LPA: variants seen among roughly 807,000 people sequenced by gnomAD.
LPA encodes apolipoprotein(a).
A neutral mutation model predicts 197.9 loss-of-function variants in LPA; 199 were observed. The observed-to-expected ratio is 1.01, with a 90% confidence interval of 0.90 to 1.13. LPA has a LOEUF of 1.13. Among genes scored for constraint, LPA ranks in the 50% most tolerant of loss-of-function variants. LPA has a pLI of 0.00. For synonymous variants in LPA, 715 were observed against 639.5 expected (o/e 1.12, Z -1.78); for missense variants, 1,853 against 1,785.8 (o/e 1.04, Z -0.68).
At position 160,593,956 on chromosome 6, in the gene LPA, A is replaced by T; in HGVS notation, c.3629+2T>A. The T allele has an allele frequency of 6.2e-7, 1 of 1,613,614 alleles. No homozygotes were observed. Among genetic ancestry groups the T allele is most frequent in the Non-Finnish European group, 8.5e-7 (1 of 1,179,742 alleles). On this transcript the variant is annotated splice_donor_variant, in intron 22 of 38. Transcript: ENST00000316300. LOFTEE classifies it high-confidence loss of function. ...GTCTTTGAAGAAAACTCAAGGTTGT[A>T]CCCATTTGGATAATATTCTGTTGTC...
At chr6:160,610,487 A>T (rs564924700) in intron 16 of LPA, among the ~76,000 whole-genome samples, 1 of 152,050 alleles carries the variant, frequency 6.6e-6, no homozygotes. Flanking sequence ...GTGCTATGTG[A>T]TCTCTATCTT....
intron 21 of LPA, 46 bp downstream of exon 21, chr6:160,595,308 C>A: frequency 1.2e-6 from 2 of 1,606,722 alleles, no homozygotes; most frequent in Non-Finnish European, 1.7e-6. Flanking sequence ...CAACTCTTTT[C>A]ATCCCAACGT....
intron 33 of LPA, among the ~76,000 whole-genome samples, chr6:160,543,199 GACTA>G (rs1367128065): frequency 6.6e-6 from 1 of 152,152 alleles, no homozygotes; most frequent in African/African-American, 2.4e-5. Context: ...AGCCTCCCAT[GACTA>G]ACTGACTGCT....
chr6:160,646,456 A>G (rs1252713589), intron 2 of LPA, 61 bp from the exon 3 acceptor site: 2 of 8,418 alleles, frequency 2.4e-4, no homozygotes, highest in African/African-American at 3.2e-3. Context: ...GGCACCCCAC[A>G]CTCTCTCCTT....
intron 26 of LPA, among the ~76,000 whole-genome samples, chr6:160,579,834 G>T: frequency 6.6e-6 from 1 of 152,324 alleles, no homozygotes; most frequent in East Asian, 1.9e-4. Flanking sequence ...ACAACTGGAC[G>T]TATCAAGTGA....
chr6:160,585,578 G>A (rs749108561), intron 25 of LPA, among the ~76,000 whole-genome samples: 5 of 152,090 alleles, frequency 3.3e-5, no homozygotes, highest in African/African-American at 1.2e-4. Context: ...GCTATAGGTG[G>A]TGATTGGCTG....
chr6:160,581,513 G>T, intron 26 of LPA, among the ~76,000 whole-genome samples: 1 of 152,006 alleles, frequency 6.6e-6, no homozygotes, highest in Non-Finnish European at 1.5e-5. Context: ...TGTTGCCCAG[G>T]CTTGTCTGCA....
At position 160,591,030 on chromosome 6, in the gene LPA, T is replaced by C. The variant is rs930578756; in HGVS notation, c.3701A>G (p.Asn1234Ser). The C allele has an allele frequency of 3.1e-6, 5 of 1,613,940 alleles. No individual in the cohort carries two copies. The highest frequency in any genetic ancestry group is 4.2e-6 in the Non-Finnish European group (5 of 1,179,894). Residue 1234 changes from asparagine (N) to serine (S), a missense_variant, in exon 23 of 39, where the codon AAT (asparagine) becomes AGT (serine). By Grantham distance (46) the Asn-to-Ser change is conservative. Transcript: ENST00000316300. ...CAGGTTGCAGTACTCCCATCTGACA[T>C]TGGGATCCATGGTATAACACCAAGG... is the stretch of plus-strand genomic sequence containing the variant. ...ISPWCYTMDP[N>S]VRWEYCNLTQ...
intron 16 of LPA, among the ~76,000 whole-genome samples, chr6:160,610,714 C>T (rs1392893989): frequency 6.6e-6 from 1 of 152,084 alleles, no homozygotes; most frequent in Non-Finnish European, 1.5e-5. Flanking sequence ...AACTCCAATC[C>T]CTCTCCTCTG....
At chr6:160,555,339 C>T (rs1408984204) in intron 30 of LPA, among the ~76,000 whole-genome samples, 2 of 138,242 alleles carry the variant, frequency 1.4e-5, no homozygotes, top group Non-Finnish European at 3.1e-5. Flanking sequence ...GTGTGTCCTG[C>T]AAATTGTATG....
At chr6:160,562,855 A>G (rs1306294547) in intron 28 of LPA, among the ~76,000 whole-genome samples, 1 of 152,152 alleles carries the variant, frequency 6.6e-6, no homozygotes, top group African/African-American at 2.4e-5. Context: ...TTATTTGCAT[A>G]GAGGTGTTTA....
chr6:160,595,500 G>T lies in LPA; in HGVS notation c.3323C>A (p.Ala1108Asp), dbSNP rs779011730. The T allele has an allele frequency of 2.5e-6, 4 of 1,613,998 alleles. No homozygotes were observed. Among genetic ancestry groups the T allele is most frequent in the Non-Finnish European group, 3.4e-6 (4 of 1,179,954 alleles). Reference sequence around the variant, plus strand: ...GGTGTAACACCAAGGGCGAATCTCAGCATCTGGATTCCTGCAGTAGTTCCT... The same window carrying T: ...GGTGTAACACCAAGGGCGAATCTCATCATCTGGATTCCTGCAGTAGTTCCT... ...LTRNYCRNPDAEIRPWCYTMD... is the reference protein window; with the variant it reads ...LTRNYCRNPDDEIRPWCYTMD... The change falls in exon 21 of 39, where the codon GCT (alanine) becomes GAT (aspartate). Residue 1108 changes from alanine (A) to aspartate (D), a missense_variant. Physicochemically the swap from Ala to Asp is moderately radical, Grantham distance 126. Coordinates refer to ENST00000316300, the MANE Select transcript of LPA (RefSeq NM_005577.4).
chr6:160,646,690 TCTC>T (rs1290469461), intron 2 of LPA, among the ~76,000 whole-genome samples: 4 of 135,124 alleles, frequency 3.0e-5, no homozygotes, highest in African/African-American at 1.2e-4. Flanking sequence ...ATCAGAGTAT[TCTC>T]CTTCTGCCTT....
chr6:160,599,466 C>T (rs1583609953), intron 20 of LPA, 34 bp downstream of exon 20: 1 of 1,611,958 alleles, frequency 6.2e-7, no homozygotes, highest in South Asian at 1.1e-5. Context: ...TCCATTGGCC[C>T]TTCCTTCGCT....
chr6:160,584,314 C>T (rs1421923327), intron 26 of LPA, among the ~76,000 whole-genome samples: 1 of 143,648 alleles, frequency 7.0e-6, no homozygotes, highest in Admixed American at 7.2e-5. Context: ...TCTTCCTCTT[C>T]TTCTTTTCTT....
intron 21 of LPA, 139 bp downstream of exon 21, chr6:160,595,215 T>C: frequency 3.8e-6 from 4 of 1,062,116 alleles, no homozygotes; most frequent in Non-Finnish European, 4.3e-6. Flanking sequence ...GCGCTGAGTG[T>C]TCCTTCCCAG....
At chr6:160,643,083 A>AGAGTGTGT (rs1554242208) in intron 4 of LPA, among the ~76,000 whole-genome samples, 1 of 131,070 alleles carries the variant, frequency 7.6e-6, no homozygotes, top group Admixed American at 7.8e-5. Flanking sequence ...GTGTGTTTTC[A>AGAGTGTGT]GTGTGTGTGT....
intron 16 of LPA, among the ~76,000 whole-genome samples, chr6:160,611,208 GA>G (rs1398872873): frequency 6.6e-6 from 1 of 152,110 alleles, no homozygotes; most frequent in Admixed American, 6.6e-5. Flanking sequence ...TTCCCTTCAG[GA>G]ATTGGAAGTC....
intron 30 of LPA, among the ~76,000 whole-genome samples, chr6:160,555,671 A>G (rs892858112): frequency 2.0e-5 from 3 of 151,864 alleles, no homozygotes; most frequent in African/African-American, 7.3e-5. Context: ...TTCATTTCAG[A>G]GAAGGGAGGT....
Sources: gnomAD v4.1 joint callset for allele counts (sites outside exome capture counted in the v4.1 genomes callset) on GRCh38, gnomAD v4.1.1 for gene constraint, MANE v1.5 for transcripts, NCBI Gene and HGNC (gene_info 2026-07-23, HGNC 2026-07-21) for gene names.